The following CTNNA3 variants were observed in gnomAD, a reference collection of about 807,000 sequenced individuals.
The protein encoded by CTNNA3 is catenin alpha 3, also known as catenin alpha-3.
Under a neutral mutation model 95.7 loss-of-function variants are expected in CTNNA3, and 76 were observed. The observed-to-expected ratio is 0.79, with a 90% CI of 0.66 to 0.96. The LOEUF is 0.96. Among genes scored for constraint, CTNNA3 ranks in the 40% least tolerant of loss-of-function variants. The pLI, the probability that CTNNA3 is intolerant of heterozygous loss-of-function variation, is 0.00. For missense variants in CTNNA3, 1,191 were observed against 1,089.8 expected (o/e 1.09, Z -1.31); for synonymous variants, 431 against 374.4 (o/e 1.15, Z -1.74).
At chr10:67,253,708 T>C (rs7076647) in intron 5 of CTNNA3, among the ~76,000 whole-genome samples, 29,946 of 152,110 alleles carry the variant, frequency 0.2, 4,971 homozygotes, top group African/African-American at 0.46. Flanking sequence ...AGCTGTTCCC[T>C]GCAGTTTCCT....
chr10:67,275,113 C>T (rs191643650), intron 5 of CTNNA3, among the ~76,000 whole-genome samples: 9 of 152,184 alleles, frequency 5.9e-5, no homozygotes, highest in Middle Eastern at 3.4e-3. Flanking sequence ...ATAGTAGCAA[C>T]GCATATGGTC....
chr10:66,436,077 G>T (rs1326012162), intron 11 of CTNNA3, among the ~76,000 whole-genome samples: 2 of 152,150 alleles, frequency 1.3e-5, no homozygotes, highest in Non-Finnish European at 2.9e-5. Context: ...CATTTGCTGA[G>T]GAGTGTTTTA....
rs111445655 is a variant in CTNNA3, at chr10:66,730,275, A to G, written c.1281+35989T>C. ...CCATGGAATACTATGCAGCCATAAA[A>G]AGGAATGAGATCATGTCATTTGCAG... On this transcript the variant is annotated intron_variant, in intron 9 of 17. Coordinates refer to ENST00000433211, the MANE Select transcript of CTNNA3 (RefSeq NM_013266.4). 3.3e-3 allele frequency among the ~76,000 whole-genome samples: 498 copies of G among 152,298 alleles called. 1 individual carries two copies. Among genetic ancestry groups the G allele is most frequent in the Non-Finnish European group, 6.0e-3 (406 of 68,028 alleles).
chr10:67,244,722 A>G (rs192118396), intron 5 of CTNNA3, among the ~76,000 whole-genome samples: 1 of 152,348 alleles, frequency 6.6e-6, no homozygotes, highest in East Asian at 1.9e-4. Flanking sequence ...GAAATGCTTC[A>G]GAGAGAGGAA....
chr10:66,841,634 A>C (rs1400069243), intron 7 of CTNNA3, among the ~76,000 whole-genome samples: 1 of 152,196 alleles, frequency 6.6e-6, no homozygotes, highest in Non-Finnish European at 1.5e-5. Flanking sequence ...GGGACTTATG[A>C]ATTAAGTCTG....
In CTNNA3 at chr10:66,165,100, G is replaced by A. The variant is rs532051837; in HGVS notation, c.1885-61851C>T. ...CTATGAATCCATAAAAAAGAATAAC[G>A]TCGTGTACTTTGCAGCAACATGGAT... On this transcript the variant is annotated intron_variant, in intron 13 of 17. Coordinates refer to ENST00000433211, the MANE Select transcript of CTNNA3 (RefSeq NM_013266.4). Among the ~76,000 whole-genome samples the A allele has an allele frequency of 5.3e-5, 8 of 152,182 alleles. No homozygotes were observed. In the East Asian group the frequency reaches 7.7e-4, roughly 15 times the overall value.
chr10:66,163,496 C>T (rs546010226), intron 13 of CTNNA3, among the ~76,000 whole-genome samples: 17 of 152,062 alleles, frequency 1.1e-4, no homozygotes, highest in East Asian at 3.9e-4. Flanking sequence ...AGTGGGGGTG[C>T]GTGTTTGAGA....
intron 7 of CTNNA3, among the ~76,000 whole-genome samples, chr10:66,969,854 T>A (rs1287107286): frequency 6.6e-6 from 1 of 152,130 alleles, no homozygotes; most frequent in Admixed American, 6.5e-5. Context: ...CCTCTATATT[T>A]CCACAACATG....
At chr10:67,355,850 T>C (rs1270030592) in intron 5 of CTNNA3, among the ~76,000 whole-genome samples, 1 of 152,034 alleles carries the variant, frequency 6.6e-6, no homozygotes, top group Non-Finnish European at 1.5e-5. Context: ...GTAGTACATA[T>C]GCATAATTCA....
At chr10:67,074,622 T>A (rs1349074751) in intron 7 of CTNNA3, among the ~76,000 whole-genome samples, 1 of 152,156 alleles carries the variant, frequency 6.6e-6, no homozygotes, top group African/African-American at 2.4e-5. Context: ...AGTGCTGGGA[T>A]TACAGGCGTG....
chr10:66,996,606 C>T (rs1851356789), intron 7 of CTNNA3, among the ~76,000 whole-genome samples: 1 of 131,524 alleles, frequency 7.6e-6, no homozygotes, highest in African/African-American at 3.0e-5. Context: ...CAAGATCGCA[C>T]CACTGCATTC....
At chr10:67,673,082 T>C (rs943281293) in intron 1 of CTNNA3, among the ~76,000 whole-genome samples, 1 of 151,930 alleles carries the variant, frequency 6.6e-6, no homozygotes, top group Non-Finnish European at 1.5e-5. Context: ...TCACATCCCT[T>C]GTAAGTTGGA....
Position 67,647,489 on chromosome 10 carries a change from A to G in CTNNA3, c.25T>C (p.Leu9=), listed in dbSNP as rs1254887472. The change falls in exon 2 of 18, where the codon TTG becomes CTG. Residue 9 remains leucine, a synonymous_variant. Transcript: ENST00000433211. ...TGCAGATCCTGAGGATCGATATTCA[A>G]TGTGATTGGTGTTTCAGCTGACATG... The part of the protein sequence containing the change: MSAETPIT[L]NIDPQDLQVQ... 6.2e-7 allele frequency: 1 copy of G among 1,613,320 alleles called. No individual in the cohort carries two copies. The highest frequency in any genetic ancestry group is 1.3e-5 in the African/African-American group (1 of 75,006).
chr10:66,000,928 C>T (rs80239779), intron 15 of CTNNA3, among the ~76,000 whole-genome samples: 5,930 of 152,126 alleles, frequency 0.039, 380 homozygotes, highest in African/African-American at 0.13. Context: ...TGCTATGTTG[C>T]CTCCCATAAA....
chr10:66,405,895 CT>C (rs1171909992), intron 11 of CTNNA3, among the ~76,000 whole-genome samples: 1 of 152,176 alleles, frequency 6.6e-6, no homozygotes, highest in East Asian at 1.9e-4. Context: ...ACATCTTTTC[CT>C]TTCAGCCATA....
intron 7 of CTNNA3, among the ~76,000 whole-genome samples, chr10:66,979,071 T>G (rs1157665031): frequency 6.6e-6 from 1 of 150,904 alleles, no homozygotes; most frequent in African/African-American, 2.4e-5. Flanking sequence ...CTCAAGAGAT[T>G]CTCCTGCCTC....
chr10:66,468,444 T>C (rs1042040220), intron 11 of CTNNA3, among the ~76,000 whole-genome samples: 1 of 151,934 alleles, frequency 6.6e-6, no homozygotes, highest in Non-Finnish European at 1.5e-5. Context: ...TACATCAATA[T>C]AAAATTTAAA....
intron 13 of CTNNA3, among the ~76,000 whole-genome samples, chr10:66,260,219 T>C (rs2090948406): frequency 6.6e-6 from 1 of 152,186 alleles, no homozygotes; most frequent in Admixed American, 6.6e-5. Flanking sequence ...CACACTTGAA[T>C]AGACCCTTTC....
At position 66,721,767 on chromosome 10, in the gene CTNNA3, A is replaced by G. The variant is rs549997174; in HGVS notation, c.1281+44497T>C. 2.0e-5 allele frequency among the ~76,000 whole-genome samples: 3 copies of G among 152,338 alleles called. No homozygotes were observed. The South Asian group carries it at 6.2e-4, about 32-fold the overall frequency. On this transcript the variant is annotated intron_variant, in intron 9 of 17. Transcript: ENST00000433211. ...TACTGTTAATAACAAAACAATAGCAACAAATGTAATACCTGCTCTTACTTA... is the reference window on the plus strand; with the variant it reads ...TACTGTTAATAACAAAACAATAGCAGCAAATGTAATACCTGCTCTTACTTA...
Sources: allele counts gnomAD v4.1 joint callset (sites outside exome capture counted in the v4.1 genomes callset), GRCh38; gene constraint gnomAD v4.1.1; transcripts MANE v1.5; gene names NCBI Gene and HGNC (gene_info 2026-07-23, HGNC 2026-07-21).